GRM7: variants seen among roughly 807,000 people sequenced by gnomAD.
GRM7 encodes metabotropic glutamate receptor 7.
Under a neutral mutation model 84.5 loss-of-function variants are expected in GRM7, and 35 were observed. That is an observed-to-expected ratio of 0.41 (90% CI 0.32 to 0.55). The LOEUF (loss-of-function observed/expected upper bound fraction) is 0.55. GRM7 is among the 20% of genes least tolerant of loss of function. GRM7 has a pLI of 0.19. For missense variants in GRM7, 1,003 were observed against 1,194.6 expected (o/e 0.84, Z 2.36); for synonymous variants, 487 against 455.1 (o/e 1.07, Z -0.89).
At chr3:7,605,665 C>T (rs115963192) in intron 8 of GRM7, among the ~76,000 whole-genome samples, 4 of 151,796 alleles carry the variant, frequency 2.6e-5, no homozygotes, top group Admixed American at 2.0e-4. Context: ...TGATGTGCAT[C>T]CCCAGTTGAA....
chr3:7,415,292 C>A, intron 5 of GRM7, 129 bp downstream of exon 5: 1 of 760,986 alleles, frequency 1.3e-6, no homozygotes, highest in Non-Finnish European at 2.2e-6. Flanking sequence ...CTAGATTGTT[C>A]AGAAAATGGA....
chr3:7,141,372 G>T (rs920417902), intron 1 of GRM7, among the ~76,000 whole-genome samples: 1 of 151,986 alleles, frequency 6.6e-6, no homozygotes. Context: ...TAGAAACAAA[G>T]TTAAGGAATG....
intron 4 of GRM7, among the ~76,000 whole-genome samples, chr3:7,357,844 G>C (rs1043602992): frequency 6.6e-6 from 1 of 151,970 alleles, no homozygotes; most frequent in Non-Finnish European, 1.5e-5. Context: ...GAAATGGAAA[G>C]ACTGACCAAG....
At chr3:7,104,678 A>G (rs1574910490) in intron 1 of GRM7, among the ~76,000 whole-genome samples, 1 of 151,704 alleles carries the variant, frequency 6.6e-6, no homozygotes, top group South Asian at 2.1e-4. Flanking sequence ...GTTAGCTGTT[A>G]CCATCATTAT....
intron 7 of GRM7, among the ~76,000 whole-genome samples, chr3:7,477,454 A>G (rs918010095): frequency 3.3e-5 from 5 of 152,194 alleles, no homozygotes; most frequent in African/African-American, 1.2e-4. Flanking sequence ...ACTGGCTTCC[A>G]GAATGAATAG....
intron 8 of GRM7, among the ~76,000 whole-genome samples, chr3:7,582,782 T>C (rs11717471): frequency 0.23 from 34,702 of 152,030 alleles, 4,830 homozygotes; most frequent in Non-Finnish European, 0.29. Context: ...TCAGTGGTTC[T>C]TCAAATTGTG....
chr3:7,234,336 G>C (rs1487086355), intron 2 of GRM7, among the ~76,000 whole-genome samples: 1 of 152,090 alleles, frequency 6.6e-6, no homozygotes, highest in Non-Finnish European at 1.5e-5. Context: ...TCACATATGT[G>C]GATTCTCATT....
chr3:6,941,742 A>G (rs1459979965), intron 1 of GRM7, among the ~76,000 whole-genome samples: 1 of 152,130 alleles, frequency 6.6e-6, no homozygotes, highest in Middle Eastern at 3.2e-3. Context: ...TTGTACTTGC[A>G]TTCTTATTTT....
intron 2 of GRM7, among the ~76,000 whole-genome samples, chr3:7,283,450 T>TCC (rs1287794805): frequency 1.3e-5 from 2 of 152,068 alleles, no homozygotes; most frequent in Non-Finnish European, 2.9e-5. Flanking sequence ...AAAGTTCCGT[T>TCC]CAGACACACA....
intron 2 of GRM7, among the ~76,000 whole-genome samples, chr3:7,153,133 ATTTTTT>A (rs34465661): frequency 4.8e-5 from 5 of 103,386 alleles, no homozygotes; most frequent in Non-Finnish European, 9.4e-5. Context: ...GGTACTGTGG[ATTTTTT>A]TTTTTTTTTT....
chr3:7,675,770 G>A (rs17725019), intron 8 of GRM7, among the ~76,000 whole-genome samples: 5 of 152,194 alleles, frequency 3.3e-5, no homozygotes, highest in South Asian at 2.1e-4. Context: ...AGTGAAAGCC[G>A]TATCCTTAGA....
intron 8 of GRM7, among the ~76,000 whole-genome samples, chr3:7,616,997 A>T (rs1697115113): frequency 6.6e-6 from 1 of 152,140 alleles, no homozygotes; most frequent in African/African-American, 2.4e-5. Context: ...GTTTGAAAAA[A>T]CAGTGTTAGT....
At chr3:7,510,362 G>T (rs1026245372) in intron 7 of GRM7, among the ~76,000 whole-genome samples, 3 of 152,064 alleles carry the variant, frequency 2.0e-5, no homozygotes, top group South Asian at 2.1e-4. Flanking sequence ...TGCCTGTTGC[G>T]GAGAAAGCTC....
intron 2 of GRM7, among the ~76,000 whole-genome samples, chr3:7,199,751 G>C (rs1229595318): frequency 1.3e-5 from 2 of 152,166 alleles, no homozygotes; most frequent in African/African-American, 4.8e-5. Context: ...CCCTGACATA[G>C]AGCCATGATT....
intron 7 of GRM7, among the ~76,000 whole-genome samples, chr3:7,527,792 G>T (rs950015957): frequency 2.0e-5 from 3 of 151,852 alleles, no homozygotes; most frequent in Non-Finnish European, 2.9e-5. Flanking sequence ...GATTGCATGG[G>T]TTTTTTAAAA....
At chr3:7,339,070 T>A (rs1270951032) in intron 4 of GRM7, among the ~76,000 whole-genome samples, 1 of 152,072 alleles carries the variant, frequency 6.6e-6, no homozygotes, top group Non-Finnish European at 1.5e-5. Flanking sequence ...TATTTAGCAA[T>A]AGTTTGATAA....
intron 5 of GRM7, among the ~76,000 whole-genome samples, chr3:7,446,056 C>T (rs1057237196): frequency 6.6e-6 from 1 of 152,168 alleles, no homozygotes; most frequent in Non-Finnish European, 1.5e-5. Flanking sequence ...TTATCACTTA[C>T]AATAGATCCA....
At chr3:7,732,447 C>G (rs1400448180) in intron 9 of GRM7, among the ~76,000 whole-genome samples, 2 of 152,136 alleles carry the variant, frequency 1.3e-5, no homozygotes, top group Non-Finnish European at 2.9e-5. Flanking sequence ...GCAGGAACAT[C>G]TCACTTGTCT....
chr3:7,237,828 C>A (rs910129320), intron 2 of GRM7, among the ~76,000 whole-genome samples: 1 of 152,124 alleles, frequency 6.6e-6, no homozygotes, highest in Non-Finnish European at 1.5e-5. Flanking sequence ...CATTTTGCAG[C>A]GTAACGATTG....
Sources: gnomAD v4.1 joint callset for allele counts (sites outside exome capture counted in the v4.1 genomes callset) on GRCh38, gnomAD v4.1.1 for gene constraint, MANE v1.5 for transcripts, NCBI Gene and HGNC (gene_info 2026-07-23, HGNC 2026-07-21) for gene names.